Variants in LINGO2 observed in about 807,000 individuals in gnomAD.
The protein encoded by LINGO2 is leucine rich repeat and Ig domain containing 2, also known as leucine-rich repeat and immunoglobulin-like domain-containing nogo receptor-interacting protein 2.
Under a neutral mutation model 30.6 loss-of-function variants are expected in LINGO2, and 14 were observed. That is an observed-to-expected ratio of 0.46 (90% CI 0.30 to 0.72). The LOEUF (loss-of-function observed/expected upper bound fraction) is 0.72, where lower values mean the gene tolerates loss of function less well. Ranked by LOEUF, LINGO2 falls within the 30% of genes least tolerant of loss-of-function variation. The pLI is 0.07. For synonymous variants in LINGO2, 317 were observed against 288.5 expected (o/e 1.10, Z -1.00); for missense variants, 729 against 751.7 (o/e 0.97, Z 0.35).
chr9:28,092,032 A>G (rs2133269146), intron 4 of LINGO2, among the ~76,000 whole-genome samples: 1 of 152,310 alleles, frequency 6.6e-6, no homozygotes, highest in Admixed American at 6.5e-5. Flanking sequence ...CGATCATTAA[A>G]AAGTCAGGAA....
chr9:28,213,588 G>A (rs1033887036), intron 4 of LINGO2, among the ~76,000 whole-genome samples: 2 of 151,116 alleles, frequency 1.3e-5, no homozygotes, highest in Non-Finnish European at 3.0e-5. Flanking sequence ...AGAAGCAGAG[G>A]ACATTTGTAT....
At chr9:28,777,183 T>C in the LINGO2 span, among the ~76,000 whole-genome samples, 1 of 152,180 alleles carries the variant, frequency 6.6e-6, no homozygotes, top group Non-Finnish European at 1.5e-5. Context: ...TCTTCATAAA[T>C]GACCCAGTCT....
At chr9:28,587,329 T>C (rs1023362844) in intron 1 of LINGO2, among the ~76,000 whole-genome samples, 4 of 152,010 alleles carry the variant, frequency 2.6e-5, no homozygotes, top group Non-Finnish European at 5.9e-5. Context: ...CAGAAAGGCA[T>C]AAAAAACTTC....
the LINGO2 span, among the ~76,000 whole-genome samples, chr9:29,184,511 A>T: frequency 2.6e-5 from 4 of 152,282 alleles, no homozygotes; most frequent in East Asian, 5.8e-4. Flanking sequence ...TTGATGACTA[A>T]AGCACGAGAC....
chr9:28,389,860 A>T (rs897217937), intron 2 of LINGO2, among the ~76,000 whole-genome samples: 1 of 152,214 alleles, frequency 6.6e-6, no homozygotes, highest in African/African-American at 2.4e-5. Flanking sequence ...TTCTGATTTG[A>T]GGGGACATAA....
chr9:28,660,010 T>C (rs1333475627), intron 1 of LINGO2, among the ~76,000 whole-genome samples: 1 of 152,142 alleles, frequency 6.6e-6, no homozygotes, highest in African/African-American at 2.4e-5. Flanking sequence ...GAAAAAGGAA[T>C]AATGAGCAAC....
intron 2 of LINGO2, among the ~76,000 whole-genome samples, chr9:28,460,857 G>T (rs1049982893): frequency 6.6e-6 from 1 of 151,980 alleles, no homozygotes; most frequent in Non-Finnish European, 1.5e-5. Context: ...TGAAGAAAAG[G>T]TAAGTGAGCA....
At chr9:28,567,905 ACT>A (rs1438584781) in intron 1 of LINGO2, among the ~76,000 whole-genome samples, 1 of 152,072 alleles carries the variant, frequency 6.6e-6, no homozygotes, top group African/African-American at 2.4e-5. Context: ...TGCAGTTCTT[ACT>A]CTGACTCTAC....
chr9:28,528,820 GTA>G (rs1821123830), intron 1 of LINGO2, among the ~76,000 whole-genome samples: 1 of 151,716 alleles, frequency 6.6e-6, no homozygotes, highest in African/African-American at 2.4e-5. Flanking sequence ...ACACATATAT[GTA>G]TGTGTTTGTG....
intron 4 of LINGO2, among the ~76,000 whole-genome samples, chr9:28,074,557 A>C (rs1210558899): frequency 1.3e-5 from 2 of 152,176 alleles, no homozygotes; most frequent in East Asian, 1.9e-4. Flanking sequence ...GAGGGTGTTC[A>C]AGTCATATAC....
intron 4 of LINGO2, among the ~76,000 whole-genome samples, chr9:28,053,126 G>A (rs906124562): frequency 6.6e-6 from 1 of 151,930 alleles, no homozygotes; most frequent in African/African-American, 2.4e-5. Context: ...TATAATGAGA[G>A]TCATAGGAAG....
At chr9:28,825,644 A>AT in the LINGO2 span, among the ~76,000 whole-genome samples, 1 of 151,838 alleles carries the variant, frequency 6.6e-6, no homozygotes, top group African/African-American at 2.4e-5. Flanking sequence ...ACCATCCTAC[A>AT]TTAACCCTCC....
chr9:28,455,866 C>G (rs1040966452), intron 2 of LINGO2, among the ~76,000 whole-genome samples: 9 of 152,066 alleles, frequency 5.9e-5, no homozygotes, highest in Non-Finnish European at 1.3e-4. Context: ...TACACCATGG[C>G]ATTTTTCTTT....
intron 1 of LINGO2, among the ~76,000 whole-genome samples, chr9:28,525,100 T>A (rs1211148005): frequency 6.6e-6 from 1 of 151,988 alleles, no homozygotes. Flanking sequence ...AAAAAGGACA[T>A]GAAAAAATAC....
At chr9:28,924,464 G>A in the LINGO2 span, among the ~76,000 whole-genome samples, 4 of 152,028 alleles carry the variant, frequency 2.6e-5, no homozygotes, top group Admixed American at 6.6e-5. Context: ...CAGGCAATCC[G>A]CCAGCCTCAG....
At chr9:28,781,769 G>A in the LINGO2 span, among the ~76,000 whole-genome samples, 2 of 151,814 alleles carry the variant, frequency 1.3e-5, no homozygotes, top group African/African-American at 4.8e-5. Context: ...AAAAGGAGGA[G>A]GAAAAAAATC....
At chr9:28,049,338 G>A (rs540514873) in intron 4 of LINGO2, among the ~76,000 whole-genome samples, 6 of 150,886 alleles carry the variant, frequency 4.0e-5, no homozygotes, top group South Asian at 2.1e-4. Context: ...AACATAGTAC[G>A]TACAGTACTA....
At chr9:28,032,380 G>A (rs554253028) in intron 4 of LINGO2, among the ~76,000 whole-genome samples, 18 of 152,232 alleles carry the variant, frequency 1.2e-4, no homozygotes, top group Non-Finnish European at 2.5e-4. Context: ...TCACAGATGG[G>A]CTCCCACTGC....
At chr9:28,636,322 C>T (rs1457507202) in intron 1 of LINGO2, among the ~76,000 whole-genome samples, 1 of 152,076 alleles carries the variant, frequency 6.6e-6, no homozygotes, top group Non-Finnish European at 1.5e-5. Flanking sequence ...GTTTTATAAT[C>T]CTTTGGGTAT....
Sources: gnomAD v4.1 joint callset for allele counts (sites outside exome capture counted in the v4.1 genomes callset) on GRCh38, gnomAD v4.1.1 for gene constraint, MANE v1.5 for transcripts, NCBI Gene and HGNC (gene_info 2026-07-23, HGNC 2026-07-21) for gene names.